The following SPTBN4 variants were observed in gnomAD, a reference collection of about 807,000 sequenced individuals.
SPTBN4 encodes the protein spectrin beta chain, non-erythrocytic 4.
In SPTBN4, 96 loss-of-function variants were observed where a neutral mutation model predicts 277.8. The ratio of observed to expected loss-of-function variants is 0.35; its 90% CI spans 0.29 to 0.41. SPTBN4 has a LOEUF of 0.41. SPTBN4 is among the 10% of genes least tolerant of loss of function. SPTBN4 has a pLI of 1.00. For missense variants in SPTBN4, 3,006 were observed against 3,595.7 expected, an observed-to-expected ratio of 0.84 and a Z score of 4.19; for synonymous variants, 1,481 against 1,580.3, an observed-to-expected ratio of 0.94 and a Z score of 1.49.
intron 20 of SPTBN4, among the ~76,000 whole-genome samples, chr19:40,544,195 C>T (rs901692935): frequency 3.1e-4 from 47 of 149,300 alleles, no homozygotes; most frequent in African/African-American, 1.0e-3. Context: ...AAAGCCGGAG[C>T]GCAATGGCGC....
chr19:40,467,914 C>G (rs1477094331), intron 1 of SPTBN4, among the ~76,000 whole-genome samples: 1 of 152,104 alleles, frequency 6.6e-6, no homozygotes, highest in Non-Finnish European at 1.5e-5. Flanking sequence ...TCATTTCTGT[C>G]TGACTCCAGA....
rs1435643334 is a variant in SPTBN4 at position 40,487,694 on chromosome 19, C to T, written c.170-3C>T. 6.2e-7 allele frequency: 1 copy of T among 1,610,294 alleles called. No homozygotes were observed. The highest frequency in any genetic ancestry group is 1.7e-5 in the Admixed American group (1 of 59,702). ...TGGGGGCTCATCAGGGCCTCTCCTC[C>T]AGATGAGCGGGAAGCCGTGCAGAAG... is the stretch of plus-strand genomic sequence containing the variant. On this transcript the variant is annotated splice_polypyrimidine_tract_variant and splice_region_variant and intron_variant, in intron 2 of 35. Coordinates refer to ENST00000598249, the MANE Select transcript of SPTBN4 (RefSeq NM_020971.3).
chr19:40,479,675 C>CATATATATATATATATAT lies in SPTBN4; in HGVS notation c.169+6896_169+6913dup, dbSNP rs34118043. Reference sequence around the variant, plus strand: ...AAAATGTGCATTGCTAATGAGTAAGCATATATATATATATATATATATATA... The same window carrying CATATATATATATATATAT: ...AAAATGTGCATTGCTAATGAGTAAGCATATATATATATATATATATATATATATATATATATATATATA... On this transcript the variant is annotated intron_variant, in intron 2 of 35. Transcript: ENST00000598249. 4.2e-3 allele frequency among the ~76,000 whole-genome samples: 534 copies of CATATATATATATATATAT among 126,538 alleles called. 4 individuals are homozygous for CATATATATATATATATAT. The highest frequency in any genetic ancestry group is 8.1e-3 in the African/African-American group (256 of 31,584). The allele number at this position is 126,538 out of a possible 152,430, so 83.0% of individuals were successfully genotyped here. A position where few individuals can be genotyped will look rare whatever the true frequency, so the allele number is the denominator to read the frequency against.
Position 40,513,414 on chromosome 19 carries a change from G to T in SPTBN4, c.2625G>T (p.Gln875His). 1 of 1,604,246 alleles carries T rather than the reference G, an allele frequency of 6.2e-7. No homozygotes were observed. The highest frequency in any genetic ancestry group is 8.5e-7 in the Non-Finnish European group (1 of 1,177,542). The change falls in exon 14 of 36, where the codon CAG (glutamine) becomes CAT (histidine). Residue 875 changes from glutamine (Q) to histidine (H), a missense_variant. This residue lies in a region of SPTBN4 where 1,759 missense variants were observed against 2,061.5 expected (regional missense o/e 0.85). Coordinates refer to ENST00000598249, the MANE Select transcript of SPTBN4 (RefSeq NM_020971.3). Reference protein sequence around the residue: ...EVTEVAALRRQWLRDALAVYR... With the variant: ...EVTEVAALRRHWLRDALAVYR... ...CCGAAGTGGCGGCGCTGAGGCGCCA[G>T]TGGCTGCGGGACGCGCTCGCTGTCT...
chr19:40,511,555 G>A (rs1332544870), intron 13 of SPTBN4, among the ~76,000 whole-genome samples: 2 of 152,174 alleles, frequency 1.3e-5, no homozygotes, highest in Non-Finnish European at 2.9e-5. Context: ...TAACTTCACT[G>A]TTTTCTAGTC....
intron 17 of SPTBN4, among the ~76,000 whole-genome samples, chr19:40,527,287 A>G (rs2080604022): frequency 1.3e-5 from 2 of 151,760 alleles, no homozygotes; most frequent in Non-Finnish European, 2.9e-5. Flanking sequence ...TGTTTCTCCC[A>G]TCTTTTTTCT....
intron 2 of SPTBN4, among the ~76,000 whole-genome samples, chr19:40,474,432 ATTT>A (rs1166054943): frequency 5.3e-5 from 7 of 132,710 alleles, no homozygotes; most frequent in African/African-American, 5.5e-5. Context: ...TCACCCTACC[ATTT>A]TTTTTTTTTT....
chr19:40,521,636 C>A (rs768616462), intron 16 of SPTBN4, among the ~76,000 whole-genome samples: 2 of 152,102 alleles, frequency 1.3e-5, no homozygotes, highest in Non-Finnish European at 1.5e-5. Context: ...TGCTCACTCG[C>A]CCCCCCTCCA....
chr19:40,549,386 G>T lies in SPTBN4; in HGVS notation c.4557G>T (p.Gln1519His). ...RLLLASKELH[Q>H]VAHDLDDELA... is the part of the protein sequence containing the mutation. ...TGCTGGCTTCCAAGGAGTTGCACCA[G>T]GTGGCGCACGACCTGGACGACGAGC... The change falls in exon 21 of 36, where the codon CAG becomes CAT. Residue 1519 changes from glutamine to histidine, a missense_variant. Coordinates refer to ENST00000598249, the MANE Select transcript of SPTBN4 (RefSeq NM_020971.3). 1 of 1,520,608 alleles carries T rather than the reference G, an allele frequency of 6.6e-7. No homozygotes were observed. The highest frequency in any genetic ancestry group is 8.8e-7 in the Non-Finnish European group (1 of 1,139,666). The allele number at this position is 1,520,608 out of a possible 1,614,324, so 94.2% of individuals were successfully genotyped here.
intron 2 of SPTBN4, among the ~76,000 whole-genome samples, chr19:40,475,740 G>A (rs936665562): frequency 6.6e-6 from 1 of 151,258 alleles, no homozygotes; most frequent in African/African-American, 2.4e-5. Flanking sequence ...AGGATTACAG[G>A]CATGAGCCAT....
intron 1 of SPTBN4, among the ~76,000 whole-genome samples, chr19:40,467,629 G>C (rs1040717968): frequency 6.6e-5 from 10 of 152,088 alleles, no homozygotes; most frequent in Middle Eastern, 3.4e-3. Context: ...TTTGCGGGGG[G>C]GGGGGGGTGT....
In SPTBN4 at chr19:40,534,225, A is replaced by T. The variant is rs377160293; in HGVS notation, c.4241A>T (p.Gln1414Leu). 6.2e-7 allele frequency: 1 copy of T among 1,614,122 alleles called. No homozygotes were observed. The highest frequency in any genetic ancestry group is 8.5e-7 in the Non-Finnish European group (1 of 1,179,966). ...CTCTTTGAGGCCAGCAAAGCAGACCAGCTGGTGCAGAGCTTTGCTGAGCTG... is the reference window on the plus strand; with the variant it reads ...CTCTTTGAGGCCAGCAAAGCAGACCTGCTGGTGCAGAGCTTTGCTGAGCTG... ...RQLFEASKAD[Q>L]LVQSFAELDK... Residue 1414 changes from glutamine to leucine, a missense_variant, in exon 20 of 36, where the codon CAG becomes CTG. Physicochemically the swap from Gln to Leu is moderately radical, Grantham distance 113. Coordinates refer to ENST00000598249, the MANE Select transcript of SPTBN4 (RefSeq NM_020971.3).
rs1274217460 is a variant in SPTBN4 at position 40,567,896 on chromosome 19, G to A, written c.6570G>A (p.Pro2190=). The A allele has an allele frequency of 3.2e-5, 48 of 1,523,432 alleles. No homozygotes were observed. The highest frequency in any genetic ancestry group is 3.9e-5 in the Non-Finnish European group (44 of 1,138,458). The allele number at this position is 1,523,432 out of a possible 1,614,324, so 94.4% of individuals were successfully genotyped here. The change falls in exon 31 of 36, where the codon CCG becomes CCA. Residue 2190 remains proline, a synonymous_variant. Transcript: ENST00000598249. ...RQELKPERLQ[P]RIDRLPEIPG... ...AGCTCAAGCCCGAGCGCCTCCAGCC[G>A]CGCATTGACCGGCTGCCGGAGATCC...
chr19:40,497,983 C>A (rs955435684), intron 7 of SPTBN4, among the ~76,000 whole-genome samples: 1 of 149,518 alleles, frequency 6.7e-6, no homozygotes, highest in Non-Finnish European at 1.5e-5. Context: ...GCATCTCCAA[C>A]GCCATCCCCA....
chr19:40,565,627 C>A, intron 28 of SPTBN4, 34 bp from the exon 29 acceptor site: 6 of 1,559,654 alleles, frequency 3.8e-6, no homozygotes, highest in Non-Finnish European at 5.2e-6. Flanking sequence ...CATTCCACAC[C>A]CTGACTTCCC....
At chr19:40,566,446 C>A (rs2081093370) in intron 30 of SPTBN4, 87 bp downstream of exon 30, 1 of 1,263,798 alleles carries the variant, frequency 7.9e-7, no homozygotes, top group Non-Finnish European at 1.1e-6. Context: ...CACACCGAGA[C>A]ATGGTGCTTG....
At chr19:40,527,837 C>G (rs1430435708) in intron 17 of SPTBN4, among the ~76,000 whole-genome samples, 1 of 152,156 alleles carries the variant, frequency 6.6e-6, no homozygotes, top group Non-Finnish European at 1.5e-5. Context: ...GGGTGGATCA[C>G]TTGAGGTCAG....
Position 40,529,110 on chromosome 19 carries a change from C to G in SPTBN4, c.3927C>G (p.His1309Gln), listed in dbSNP as rs140544038. The change falls in exon 18 of 36, where the codon CAC (histidine) becomes CAG (glutamine). Residue 1309 changes from histidine (H) to glutamine (Q), a missense_variant. This residue lies in a region of SPTBN4 where 1,759 missense variants were observed against 2,061.5 expected (regional missense o/e 0.85). Transcript: ENST00000598249. ...TACATGACCAACTTGAGCTGCAGCA[C>G]TTCCTCCGAGACTGCCACGAGGTAG... ...QKLHDQLELQ[H>Q]FLRDCHELDG... 2,275 of 1,613,972 alleles carry G rather than the reference C, an allele frequency of 1.4e-3. 2 individuals carry two copies. The highest frequency in any genetic ancestry group is 1.8e-3 in the Non-Finnish European group (2,143 of 1,179,944).
intron 33 of SPTBN4, 187 bp from the exon 34 acceptor site, chr19:40,571,832 C>G: frequency 1.8e-6 from 1 of 540,908 alleles, no homozygotes; most frequent in Middle Eastern, 5.4e-4. Context: ...TACTGAGAGA[C>G]TTAAATGCTC....
Sources: allele counts gnomAD v4.1 joint callset (sites outside exome capture counted in the v4.1 genomes callset), GRCh38; gene constraint gnomAD v4.1.1; regional missense constraint gnomAD v4.1.1; transcripts MANE v1.5; gene names NCBI Gene and HGNC (gene_info 2026-07-23, HGNC 2026-07-21).